Variants in CDKAL1 observed in about 807,000 individuals in gnomAD.
The protein encoded by CDKAL1 is threonylcarbamoyladenosine tRNA methylthiotransferase.
A neutral mutation model predicts 68.2 loss-of-function variants in CDKAL1; 32 were observed. The ratio of observed to expected loss-of-function variants is 0.47; its 90% CI spans 0.35 to 0.63. CDKAL1 has a LOEUF of 0.63. CDKAL1 is among the 30% of genes least tolerant of loss of function. The probability of loss-of-function intolerance (pLI) is 0.00; values close to 1 mark genes in which losing one functional copy is unlikely to be tolerated. For missense variants in CDKAL1, 606 were observed against 696.7 expected (o/e 0.87, Z 1.47); for synonymous variants, 234 against 244.3 (o/e 0.96, Z 0.39).
chr6:20,586,353 C>T (rs1012289418), intron 4 of CDKAL1, among the ~76,000 whole-genome samples: 2 of 152,080 alleles, frequency 1.3e-5, no homozygotes, highest in Admixed American at 6.6e-5. Flanking sequence ...TGGAAGTGCT[C>T]GGCCAGGCAC....
At chr6:20,885,127 A>G (rs909715146) in intron 9 of CDKAL1, among the ~76,000 whole-genome samples, 3 of 152,246 alleles carry the variant, frequency 2.0e-5, no homozygotes, top group African/African-American at 4.8e-5. Flanking sequence ...ATCCCTAGCA[A>G]AATTCCAACA....
chr6:20,888,514 TC>T (rs1162110049), intron 9 of CDKAL1, among the ~76,000 whole-genome samples: 5 of 83,974 alleles, frequency 6.0e-5, no homozygotes, highest in African/African-American at 2.3e-4. Flanking sequence ...ATGCTATCCC[TC>T]CCCCCTCCCC....
intron 10 of CDKAL1, among the ~76,000 whole-genome samples, chr6:20,969,534 G>C (rs953847637): frequency 3.3e-5 from 5 of 152,144 alleles, no homozygotes; most frequent in African/African-American, 4.8e-5. Flanking sequence ...GTGTTTTTAA[G>C]GGTCCACTGT....
In CDKAL1 at chr6:20,955,550, A is replaced by G; in HGVS notation, c.874A>G (p.Met292Val). The G allele has an allele frequency of 1.2e-6, 2 of 1,614,164 alleles. No individual in the cohort carries two copies. The highest frequency in any genetic ancestry group is 1.7e-6 in the Non-Finnish European group (2 of 1,180,002). ...TGAGGGAGCAATGCTGAGGCTTGGC[A>G]TGACAAATCCGCCCTATATTTTAGA... ...IPEGAMLRLGMTNPPYILEHL... is the reference protein window; with the variant it reads ...IPEGAMLRLGVTNPPYILEHL... Residue 292 changes from methionine (M) to valine (V), a missense_variant, in exon 10 of 16, where the codon ATG (methionine) becomes GTG (valine). Coordinates refer to ENST00000274695, the MANE Select transcript of CDKAL1 (RefSeq NM_017774.3).
At chr6:20,791,925 A>ATCTG (rs57382722) in intron 8 of CDKAL1, among the ~76,000 whole-genome samples, 52 of 151,914 alleles carry the variant, frequency 3.4e-4, no homozygotes, top group African/African-American at 1.2e-3. Context: ...AAGAGCCACC[A>ATCTG]TCTGTCAGCT....
At chr6:20,702,516 G>A (rs1243962989) in intron 5 of CDKAL1, among the ~76,000 whole-genome samples, 7 of 152,180 alleles carry the variant, frequency 4.6e-5, no homozygotes, top group African/African-American at 1.4e-4. Context: ...GGAGCCAGAA[G>A]GGAGATGGTT....
chr6:21,088,447 T>C (rs1429741361), intron 12 of CDKAL1, among the ~76,000 whole-genome samples: 1 of 152,226 alleles, frequency 6.6e-6, no homozygotes, highest in Non-Finnish European at 1.5e-5. Flanking sequence ...GTGGAGGTTC[T>C]AACAAAATGT....
At chr6:20,838,948 C>T (rs1778066934) in intron 8 of CDKAL1, among the ~76,000 whole-genome samples, 1 of 149,986 alleles carries the variant, frequency 6.7e-6, no homozygotes, top group Admixed American at 6.6e-5. Flanking sequence ...GCACACCAGC[C>T]TGGGAGACAG....
At position 20,563,539 on chromosome 6, in the gene CDKAL1, G is replaced by A. The variant is rs533256302; in HGVS notation, c.286+14834G>A. Among the ~76,000 whole-genome samples, 7 of 151,972 alleles carry A rather than the reference G, an allele frequency of 4.6e-5. No individual in the cohort carries two copies. In the South Asian group the frequency reaches 1.2e-3, roughly 27 times the overall value. ...TTTTTTTTAGTTTTATAGAGATGGT[G>A]TCTCACTGTGTTGCCCAGTCTGGTC... On this transcript the variant is annotated intron_variant, in intron 4 of 15. Transcript: ENST00000274695.
intron 11 of CDKAL1, among the ~76,000 whole-genome samples, chr6:21,055,626 GT>G (rs1195889454): frequency 4.6e-5 from 7 of 152,142 alleles, no homozygotes; most frequent in African/African-American, 1.4e-4. Flanking sequence ...GTGGTGTTTA[GT>G]TTTCTGTTCC....
chr6:20,669,582 A>G (rs576094447), intron 5 of CDKAL1, among the ~76,000 whole-genome samples: 2 of 152,300 alleles, frequency 1.3e-5, no homozygotes, highest in Admixed American at 6.5e-5. Context: ...GAATGGTACA[A>G]GGCTTGACTT....
chr6:21,017,512 A>T (rs1191977624), intron 11 of CDKAL1, among the ~76,000 whole-genome samples: 1 of 152,214 alleles, frequency 6.6e-6, no homozygotes, highest in Non-Finnish European at 1.5e-5. Flanking sequence ...GGAATGGGTG[A>T]AGAAGATGAC....
chr6:20,889,099 G>A (rs372436185), intron 9 of CDKAL1, among the ~76,000 whole-genome samples: 6 of 152,084 alleles, frequency 3.9e-5, no homozygotes, highest in East Asian at 1.9e-4. Flanking sequence ...TGTGGTTTTG[G>A]TTTGCATTTC....
intron 2 of CDKAL1, among the ~76,000 whole-genome samples, chr6:20,540,091 T>TTTTTTTTTTTG (rs1561909967): frequency 6.6e-6 from 1 of 150,380 alleles, no homozygotes; most frequent in Non-Finnish European, 1.5e-5. Context: ...TTTTTTTTTT[T>TTTTTTTTTTTG]GAGACAGAGT....
chr6:20,951,684 G>A (rs1764530669), intron 9 of CDKAL1, among the ~76,000 whole-genome samples: 1 of 152,154 alleles, frequency 6.6e-6, no homozygotes, highest in South Asian at 2.1e-4. Flanking sequence ...TCAAAAGGAT[G>A]GTGGACGATC....
chr6:20,696,229 G>T (rs1771101145), intron 5 of CDKAL1, among the ~76,000 whole-genome samples: 1 of 152,158 alleles, frequency 6.6e-6, no homozygotes, highest in Non-Finnish European at 1.5e-5. Context: ...AATAAAGACT[G>T]ATTTTAAGAA....
intron 5 of CDKAL1, among the ~76,000 whole-genome samples, chr6:20,682,466 C>G (rs1005711411): frequency 6.6e-6 from 1 of 152,112 alleles, no homozygotes; most frequent in Admixed American, 6.5e-5. Context: ...AGGAAACTTA[C>G]AATCATGGCA....
chr6:21,131,566 C>G (rs1775321501), intron 13 of CDKAL1, among the ~76,000 whole-genome samples: 1 of 152,148 alleles, frequency 6.6e-6, no homozygotes, highest in Non-Finnish European at 1.5e-5. Flanking sequence ...TTGATGCAAA[C>G]TACCCATTAT....
intron 11 of CDKAL1, among the ~76,000 whole-genome samples, chr6:21,049,385 A>G (rs1156551427): frequency 6.6e-6 from 1 of 152,232 alleles, no homozygotes; most frequent in East Asian, 1.9e-4. Flanking sequence ...TCATGTTACC[A>G]TAGAAACAGA....
Sources: gnomAD v4.1 joint callset for allele counts (sites outside exome capture counted in the v4.1 genomes callset) on GRCh38, gnomAD v4.1.1 for gene constraint, MANE v1.5 for transcripts, NCBI Gene and HGNC (gene_info 2026-07-23, HGNC 2026-07-21) for gene names.